The following KIF13B variants were observed in gnomAD, a reference collection of about 807,000 sequenced individuals.
The protein encoded by KIF13B is kinesin family member 13B.
KIF13B carries 127 observed loss-of-function variants against 222.0 expected under a neutral mutation model. The observed-to-expected ratio is 0.57, with a 90% CI of 0.50 to 0.66. KIF13B has a LOEUF of 0.66. Among genes scored for constraint, KIF13B ranks in the 30% least tolerant of loss-of-function variants. The pLI is 0.00. For missense variants in KIF13B, 2,173 were observed against 2,379.0 expected (o/e 0.91, Z 1.80); for synonymous variants, 976 against 919.0 (o/e 1.06, Z -1.12).
intron 2 of KIF13B, among the ~76,000 whole-genome samples, chr8:29,205,631 C>A (rs553384657): frequency 6.6e-6 from 1 of 152,250 alleles, no homozygotes; most frequent in South Asian, 2.1e-4. Context: ...CTAATCCCAG[C>A]TAGGCTAAAC....
At position 29,148,746 on chromosome 8, in the gene KIF13B, T is replaced by G; in HGVS notation, c.1644A>C (p.Lys548Asn). 1 of 1,598,664 alleles carries G rather than the reference T, an allele frequency of 6.3e-7. No homozygotes were observed. Among genetic ancestry groups the G allele is most frequent in the Non-Finnish European group, 8.5e-7 (1 of 1,173,594 alleles). The stretch of plus-strand genomic sequence containing the variant: ...CCTCATCCTCTCGTTCTGCTTTCTT[T>G]TTCTTTTTAGGCAAATTGAGTCTTG... ...HFFRLNLPKK[K>N]KKAEREDEDQ... Residue 548 changes from lysine (K) to asparagine (N), a missense_variant, in exon 16 of 40, where the codon AAA becomes AAC. By Grantham distance (94) the Lys-to-Asn change is moderately conservative. Transcript: ENST00000524189.
chr8:29,104,089 T>C (rs1005581507), intron 35 of KIF13B, among the ~76,000 whole-genome samples: 1 of 152,030 alleles, frequency 6.6e-6, no homozygotes, highest in African/African-American at 2.4e-5. Flanking sequence ...TGGCCCTGTC[T>C]TCATTCCTCC....
intron 2 of KIF13B, among the ~76,000 whole-genome samples, chr8:29,216,394 CA>C (rs1385114479): frequency 6.6e-6 from 1 of 152,096 alleles, no homozygotes; most frequent in Non-Finnish European, 1.5e-5. Flanking sequence ...GTCAGGAGTT[CA>C]AAACCAGCCT....
chr8:29,172,497 T>A (rs1454030030), intron 10 of KIF13B, among the ~76,000 whole-genome samples: 1 of 152,246 alleles, frequency 6.6e-6, no homozygotes, highest in African/African-American at 2.4e-5. Context: ...GCAGATTAAG[T>A]GACCTTTTAA....
At chr8:29,150,755 T>C (rs534416393) in intron 14 of KIF13B, among the ~76,000 whole-genome samples, 9 of 152,298 alleles carry the variant, frequency 5.9e-5, no homozygotes, top group Non-Finnish European at 1.3e-4. Flanking sequence ...CTCTAATTGT[T>C]TTTGGAACAT....
At chr8:29,163,700 A>G (rs181926163) in intron 12 of KIF13B, among the ~76,000 whole-genome samples, 7 of 152,322 alleles carry the variant, frequency 4.6e-5, no homozygotes, top group Admixed American at 3.9e-4. Context: ...GGAGCTCTGG[A>G]AGGTTAAGGC....
intron 21 of KIF13B, among the ~76,000 whole-genome samples, chr8:29,137,022 G>A (rs577512220): frequency 5.9e-5 from 9 of 151,874 alleles, no homozygotes; most frequent in South Asian, 2.1e-4. Flanking sequence ...GGATGGTCTC[G>A]ATCTCCTGAC....
chr8:29,193,013 T>A (rs1473742341), intron 3 of KIF13B, among the ~76,000 whole-genome samples: 2 of 152,070 alleles, frequency 1.3e-5, no homozygotes, highest in African/African-American at 4.8e-5. Context: ...GGGAGGCAGA[T>A]AACCCTGGCA....
At chr8:29,234,210 G>GC (rs1211276647) in intron 2 of KIF13B, among the ~76,000 whole-genome samples, 1 of 152,086 alleles carries the variant, frequency 6.6e-6, no homozygotes, top group African/African-American at 2.4e-5. Flanking sequence ...AGAGGTACTT[G>GC]CACACCCATG....
rs759071302 is a variant in KIF13B, at chr8:29,188,590, T to G, written c.241A>C (p.Lys81Gln). 2 of 1,609,812 alleles carry G rather than the reference T, an allele frequency of 1.2e-6. No homozygotes were observed. The highest frequency in any genetic ancestry group is 2.7e-5 in the African/African-American group (2 of 74,860). ...EKYAGQDIVF[K>Q]CLGENILQNA... ...TGCAGGATATTCTCTCCAAGGCACT[T>G]GAAAACAATATCTTGACCTGAGAGA... Residue 81 changes from lysine (K) to glutamine (Q), a missense_variant, in exon 5 of 40, where the codon AAG becomes CAG. Physicochemically the swap from Lys to Gln is moderately conservative, Grantham distance 53. This residue lies in a region of KIF13B where 1,480 missense variants were observed against 1,722.8 expected (regional missense o/e 0.86). Coordinates refer to ENST00000524189, the MANE Select transcript of KIF13B (RefSeq NM_015254.4).
intron 29 of KIF13B, among the ~76,000 whole-genome samples, chr8:29,121,578 C>T (rs1422284782): frequency 2.6e-5 from 3 of 117,172 alleles, no homozygotes; most frequent in Non-Finnish European, 5.2e-5. Context: ...AAGATTTAAA[C>T]GTTAAACCTA....
chr8:29,216,965 A>G (rs1468676105), intron 2 of KIF13B, among the ~76,000 whole-genome samples: 4 of 152,204 alleles, frequency 2.6e-5, no homozygotes, highest in Middle Eastern at 3.2e-3. Flanking sequence ...CAGTCCAAAA[A>G]AAAAAAAAAC....
At chr8:29,107,196 A>C (rs190211948) in intron 35 of KIF13B, among the ~76,000 whole-genome samples, 1 of 152,250 alleles carries the variant, frequency 6.6e-6, no homozygotes, top group African/African-American at 2.4e-5. Flanking sequence ...TATTCCTCCT[A>C]CATTTTTCAA....
In KIF13B at chr8:29,150,312, T is replaced by C; in HGVS notation, c.1607A>G (p.Asn536Ser). Reference sequence around the variant, plus strand: ...AACATCATACCTGAAGAAATGATTGTTTCCCCATAATATCCTGTCCCCATG... The same window carrying C: ...AACATCATACCTGAAGAAATGATTGCTTCCCCATAATATCCTGTCCCCATG... ...LHHGDRILWG[N>S]NHFFRLNLPK... The change falls in exon 15 of 40, where the codon AAC becomes AGC. Residue 536 changes from asparagine (N) to serine (S), a missense_variant. Transcript: ENST00000524189. 6.4e-7 allele frequency: 1 copy of C among 1,573,718 alleles called. No homozygotes were observed. Among genetic ancestry groups the C allele is most frequent in the South Asian group, 1.1e-5 (1 of 88,174 alleles).
Position 29,069,315 on chromosome 8 carries a change from G to A in KIF13B, c.*1189C>T. 1 of 152,354 alleles carries A rather than the reference G, an allele frequency of 6.6e-6. No homozygotes were observed. The highest frequency in any genetic ancestry group is 2.1e-4 in the South Asian group (1 of 4,820). 9.4% of individuals were successfully genotyped at this position (152,354 alleles called of 1,614,324 possible). Reference sequence around the variant, plus strand: ...CACACCATGCACGGTGGGCCTGGGGGCGTGGCTGCTGTGAGGGTCTGGAGA... The same window carrying A: ...CACACCATGCACGGTGGGCCTGGGGACGTGGCTGCTGTGAGGGTCTGGAGA... On this transcript the variant is annotated 3_prime_UTR_variant, in exon 40 of 40. Coordinates refer to ENST00000524189, the MANE Select transcript of KIF13B (RefSeq NM_015254.4).
At chr8:29,189,213 T>C (rs1035136612) in intron 4 of KIF13B, 8 of 152,130 alleles carry the variant, frequency 5.3e-5, no homozygotes, top group African/African-American at 1.9e-4. Flanking sequence ...CTACCTCACT[T>C]AGTCTCAATA....
intron 24 of KIF13B, among the ~76,000 whole-genome samples, chr8:29,127,905 C>CA (rs1475609219): frequency 6.6e-6 from 1 of 151,688 alleles, no homozygotes; most frequent in Non-Finnish European, 1.5e-5. Flanking sequence ...TTGTTTTATA[C>CA]AAAACAATAA....
chr8:29,232,992 C>G (rs551170316), intron 2 of KIF13B, among the ~76,000 whole-genome samples: 2 of 152,268 alleles, frequency 1.3e-5, no homozygotes, highest in African/African-American at 4.8e-5. Flanking sequence ...CCTATCTCTA[C>G]TAAAAATACA....
intron 37 of KIF13B, among the ~76,000 whole-genome samples, 185 bp downstream of exon 37, chr8:29,092,560 G>C (rs922705888): frequency 6.6e-6 from 1 of 152,216 alleles, no homozygotes; most frequent in Admixed American, 6.5e-5. Flanking sequence ...GAGTGTGTCC[G>C]TAAGTTTAAA....
Sources: gnomAD v4.1 joint callset for allele counts (sites outside exome capture counted in the v4.1 genomes callset) on GRCh38, gnomAD v4.1.1 for gene constraint, gnomAD v4.1.1 regional missense constraint, MANE v1.5 for transcripts, NCBI Gene and HGNC (gene_info 2026-07-23, HGNC 2026-07-21) for gene names.